Variants in GNG4 observed in about 807,000 individuals in gnomAD.
GNG4 encodes the protein guanine nucleotide-binding protein G(I)/G(S)/G(O) subunit gamma-4.
In GNG4, 4 loss-of-function variants were observed where a neutral mutation model predicts 5.8. The ratio of observed to expected loss-of-function variants is 0.69; its 90% CI spans 0.34 to 1.57. GNG4 has a LOEUF of 1.57. GNG4 is among the 40% of genes most tolerant of loss of function. The pLI is 0.06. For missense variants in GNG4, 96 were observed against 95.1 expected (o/e 1.01, Z -0.04); for synonymous variants, 29 against 32.9 (o/e 0.88, Z 0.41).
At chr1:235,570,726 C>CA (rs1040535492) in intron 3 of GNG4, among the ~76,000 whole-genome samples, 3 of 151,476 alleles carry the variant, frequency 2.0e-5, no homozygotes. Flanking sequence ...GACAGGGTCT[C>CA]ACTCTGTCAT....
At chr1:235,606,805 G>T (rs1688369874) in intron 1 of GNG4, among the ~76,000 whole-genome samples, 1 of 152,010 alleles carries the variant, frequency 6.6e-6, no homozygotes, top group South Asian at 2.1e-4. Context: ...GGGGAGCATG[G>T]GTCAGAAGGC....
At chr1:235,621,831 C>A (rs1688719058) in intron 1 of GNG4, among the ~76,000 whole-genome samples, 1 of 152,004 alleles carries the variant, frequency 6.6e-6, no homozygotes, top group Non-Finnish European at 1.5e-5. Context: ...AGTGCACCAC[C>A]ATGTCTGGCT....
At chr1:235,603,037 G>T (rs1688288075) in intron 1 of GNG4, among the ~76,000 whole-genome samples, 1 of 152,088 alleles carries the variant, frequency 6.6e-6, no homozygotes, top group Non-Finnish European at 1.5e-5. Flanking sequence ...GAAGTCAGGA[G>T]TTCCAGATCA....
At chr1:235,609,096 G>A (rs564614785) in intron 1 of GNG4, among the ~76,000 whole-genome samples, 3 of 152,266 alleles carry the variant, frequency 2.0e-5, no homozygotes, top group African/African-American at 7.2e-5. Context: ...GCCTCCCAAA[G>A]TGCTGGGATT....
chr1:235,604,509 T>A (rs1464432936), intron 1 of GNG4, among the ~76,000 whole-genome samples: 1 of 152,224 alleles, frequency 6.6e-6, no homozygotes, highest in Non-Finnish European at 1.5e-5. Flanking sequence ...AAAATCCTTC[T>A]TCCTCATCTT....
chr1:235,558,002 A>G (rs1441662590), intron 3 of GNG4, among the ~76,000 whole-genome samples: 1 of 152,158 alleles, frequency 6.6e-6, no homozygotes, highest in Non-Finnish European at 1.5e-5. Flanking sequence ...CTTGCAAGAA[A>G]ACGAGTTGTT....
upstream of GNG4, chr1:235,650,561 G>T (rs1256169621): frequency 1.3e-5 from 2 of 152,254 alleles, no homozygotes; most frequent in Non-Finnish European, 2.9e-5. Flanking sequence ...GTGCGAATTC[G>T]CGCGGCCGCG....
At chr1:235,586,975 C>T (rs1489894378) in intron 2 of GNG4, among the ~76,000 whole-genome samples, 1 of 152,140 alleles carries the variant, frequency 6.6e-6, no homozygotes, top group Admixed American at 6.6e-5. Flanking sequence ...TCCCTCTCGC[C>T]CCTTGTCTTT....
chr1:235,579,446 C>CAAA (rs1269437267), intron 3 of GNG4, among the ~76,000 whole-genome samples: 27 of 135,760 alleles, frequency 2.0e-4, no homozygotes, highest in Non-Finnish European at 3.5e-4. Context: ...AAAAAAAAAC[C>CAAA]CAGAAAACAA....
chr1:235,600,440 A>G (rs4263986), intron 1 of GNG4, among the ~76,000 whole-genome samples: 34,571 of 111,178 alleles, frequency 0.31, 4,382 homozygotes, highest in African/African-American at 0.34. Context: ...GTGTGTGTGT[A>G]TATGTGTGTG....
chr1:235,586,764 G>T (rs1055000347), intron 2 of GNG4, among the ~76,000 whole-genome samples: 2 of 152,170 alleles, frequency 1.3e-5, no homozygotes, highest in South Asian at 4.1e-4. Flanking sequence ...ATGAGTGGAA[G>T]CTTCCTGAGG....
At chr1:235,593,783 T>A in intron 2 of GNG4, among the ~76,000 whole-genome samples, 1 of 152,168 alleles carries the variant, frequency 6.6e-6, no homozygotes. Flanking sequence ...AGTGGGTTTG[T>A]GGTCTCGCTG....
In GNG4 at chr1:235,631,811, A is replaced by G. The variant is rs530728796; in HGVS notation, c.-123+17851T>C. On this transcript the variant is annotated intron_variant, in intron 1 of 3. Coordinates refer to ENST00000391854, the MANE Select transcript of GNG4 (RefSeq NM_001098722.2). ...TTGAACTCCTGACCTCAGGTGATCC[A>G]CCTGCCTTGGCCTCCCAAAGTGCCG... Among the ~76,000 whole-genome samples, 319 of 152,026 alleles carry G rather than the reference A, an allele frequency of 2.1e-3. 3 individuals carry two copies. Among genetic ancestry groups the G allele is most frequent in the Admixed American group, 0.018 (277 of 15,272 alleles).
intron 1 of GNG4, among the ~76,000 whole-genome samples, chr1:235,597,628 G>GTT (rs772061855): frequency 6.9e-5 from 5 of 72,454 alleles, no homozygotes; most frequent in African/African-American, 2.4e-4. Flanking sequence ...GTGTGTGTGT[G>GTT]TATTTTTTTT....
At chr1:235,634,933 TCAAAAAA>T (rs1389976241) in intron 1 of GNG4, among the ~76,000 whole-genome samples, 2 of 146,672 alleles carry the variant, frequency 1.4e-5, no homozygotes, top group Non-Finnish European at 1.5e-5. Context: ...AAACTCTGTC[TCAAAAAA>T]CAAAAAACAA....
chr1:235,633,332 T>C (rs1343445072), intron 1 of GNG4, among the ~76,000 whole-genome samples: 1 of 152,118 alleles, frequency 6.6e-6, no homozygotes, highest in Non-Finnish European at 1.5e-5. Flanking sequence ...AAGCCACAGA[T>C]GACAAGATCT....
chr1:235,552,110 T>G lies in GNG4; in HGVS notation c.227A>C (p.Ter76SerextTer4), dbSNP rs1304046092. 13 of 1,613,714 alleles carry G rather than the reference T, an allele frequency of 8.1e-6. No individual in the cohort carries two copies. Among genetic ancestry groups the G allele is most frequent in the Non-Finnish European group, 1.1e-5 (13 of 1,179,750 alleles). Residue 76 changes from the stop codon to serine (S), a stop_lost, in exon 4 of 4, where the codon TAA becomes TCA. Transcript: ENST00000391854. ...GAGGCGTTTTCATCACACACGGAGT[T>G]AGAGAATGGTACAAAAGAACTTCTT... ...REKKFFCTIL[*>S]
chr1:235,577,843 T>C (rs1687524874), intron 3 of GNG4, among the ~76,000 whole-genome samples: 1 of 152,074 alleles, frequency 6.6e-6, no homozygotes. Context: ...CTGCCCTCTG[T>C]CATTTCCTAT....
At chr1:235,634,457 G>A (rs1688990131) in intron 1 of GNG4, among the ~76,000 whole-genome samples, 1 of 152,194 alleles carries the variant, frequency 6.6e-6, no homozygotes, top group South Asian at 2.1e-4. Context: ...GAACTAACTT[G>A]CATTTTTCTA....
Sources: allele counts gnomAD v4.1 joint callset (sites outside exome capture counted in the v4.1 genomes callset), GRCh38; gene constraint gnomAD v4.1.1; transcripts MANE v1.5; gene names NCBI Gene and HGNC (gene_info 2026-07-23, HGNC 2026-07-21).